Variants in AK5 observed in about 807,000 individuals in gnomAD.
AK5 encodes adenylate kinase 5, also known as adenylate kinase isoenzyme 5.
Under a neutral mutation model 69.5 loss-of-function variants are expected in AK5, and 27 were observed. The ratio of observed to expected loss-of-function variants is 0.39; its 90% confidence interval spans 0.29 to 0.54. AK5 has a LOEUF of 0.54. AK5 is among the 20% of genes least tolerant of loss of function. The probability of loss-of-function intolerance (pLI) is 0.71; values close to 1 mark genes in which losing one functional copy is unlikely to be tolerated. For synonymous variants in AK5, 260 were observed against 244.4 expected (o/e 1.06, Z -0.60); for missense variants, 531 against 700.4 (o/e 0.76, Z 2.73).
intron 8 of AK5, among the ~76,000 whole-genome samples, chr1:77,435,644 CAAAA>C (rs1202203579): frequency 1.5e-5 from 1 of 66,064 alleles, no homozygotes; most frequent in Non-Finnish European, 3.1e-5. Flanking sequence ...GACTCTGTCT[CAAAA>C]AAAAAAAAAA....
At chr1:77,405,337 T>G (rs1649546819) in intron 6 of AK5, among the ~76,000 whole-genome samples, 1 of 152,238 alleles carries the variant, frequency 6.6e-6, no homozygotes, top group Admixed American at 6.5e-5. Flanking sequence ...TAGCTGTGTT[T>G]TCAGCTGTCT....
chr1:77,434,254 G>C (rs1000012205), intron 8 of AK5, among the ~76,000 whole-genome samples: 7 of 151,916 alleles, frequency 4.6e-5, no homozygotes, highest in African/African-American at 1.7e-4. Context: ...AGATTTCTAA[G>C]AGTTTTATAT....
At chr1:77,475,448 ATATATACAAATATATAT>A (rs1156937524) in intron 8 of AK5, among the ~76,000 whole-genome samples, 29,510 of 47,054 alleles carry the variant, frequency 0.63, 7,445 homozygotes, top group Middle Eastern at 0.72. Flanking sequence ...TATATATTAT[ATATATACAAATATATAT>A]TATATATGTA....
At chr1:77,354,024 C>T (rs2100419193) in intron 6 of AK5, among the ~76,000 whole-genome samples, 1 of 152,190 alleles carries the variant, frequency 6.6e-6, no homozygotes, top group South Asian at 2.1e-4. Flanking sequence ...CACTCTGGAA[C>T]AGAGATTATT....
intron 2 of AK5, among the ~76,000 whole-genome samples, chr1:77,289,466 G>A (rs1243774685): frequency 7.2e-5 from 11 of 152,024 alleles, no homozygotes; most frequent in Admixed American, 7.2e-4. Flanking sequence ...GGTAAATATG[G>A]GGATCTACTT....
At chr1:77,515,133 T>G (rs1341217382) in intron 10 of AK5, among the ~76,000 whole-genome samples, 1 of 152,190 alleles carries the variant, frequency 6.6e-6, no homozygotes, top group African/African-American at 2.4e-5. Flanking sequence ...TTGGGGAGCC[T>G]CCATAATTGC....
At chr1:77,301,322 G>T (rs184291242) in intron 5 of AK5, among the ~76,000 whole-genome samples, 9 of 152,330 alleles carry the variant, frequency 5.9e-5, no homozygotes, top group Admixed American at 5.9e-4. Flanking sequence ...GGAAGAGAAT[G>T]TGAAGGTCTG....
chr1:77,321,245 G>A (rs10873932), intron 5 of AK5, among the ~76,000 whole-genome samples: 15,154 of 152,152 alleles, frequency 0.1, 952 homozygotes, highest in East Asian at 0.2. Flanking sequence ...GCTGAGGTGG[G>A]CGGATCACCT....
chr1:77,490,112 TG>T (rs1466869519), intron 10 of AK5, among the ~76,000 whole-genome samples: 2 of 145,528 alleles, frequency 1.4e-5, no homozygotes, highest in Middle Eastern at 3.6e-3. Context: ...AGAAGCAGTG[TG>T]GTCTGTTTCC....
intron 13 of AK5, among the ~76,000 whole-genome samples, chr1:77,540,985 CA>C (rs1242397898): frequency 6.6e-6 from 1 of 152,070 alleles, no homozygotes; most frequent in Non-Finnish European, 1.5e-5. Context: ...TGGCTCACTG[CA>C]ACCTCCACCT....
chr1:77,399,842 C>A (rs1405569392), intron 6 of AK5, among the ~76,000 whole-genome samples: 1 of 152,168 alleles, frequency 6.6e-6, no homozygotes, highest in East Asian at 1.9e-4. Context: ...CTGTGGGGTG[C>A]AACTAGAGTC....
At chr1:77,312,353 G>A (rs77354347) in intron 5 of AK5, among the ~76,000 whole-genome samples, 7,583 of 152,196 alleles carry the variant, frequency 0.05, 236 homozygotes, top group South Asian at 0.093. Context: ...GGTGGCTCAT[G>A]CCTGTTATCC....
intron 6 of AK5, among the ~76,000 whole-genome samples, chr1:77,355,880 C>T (rs889049281): frequency 1.3e-5 from 2 of 150,170 alleles, no homozygotes; most frequent in African/African-American, 4.9e-5. Flanking sequence ...CACACACACA[C>T]ACACACACAC....
At chr1:77,531,929 C>T (rs1390949369) in intron 12 of AK5, among the ~76,000 whole-genome samples, 4 of 151,906 alleles carry the variant, frequency 2.6e-5, no homozygotes, top group Non-Finnish European at 5.9e-5. Flanking sequence ...TAAGGCCCGG[C>T]GAGAAATCGA....
intron 6 of AK5, among the ~76,000 whole-genome samples, chr1:77,397,270 A>C (rs966507303): frequency 3.3e-5 from 5 of 151,706 alleles, no homozygotes; most frequent in Non-Finnish European, 7.4e-5. Flanking sequence ...CCCGAGCCCC[A>C]CATTGCCACA....
At chr1:77,465,327 T>C (rs1023707454) in intron 8 of AK5, among the ~76,000 whole-genome samples, 3 of 152,022 alleles carry the variant, frequency 2.0e-5, no homozygotes, top group African/African-American at 7.2e-5. Flanking sequence ...AGGCAATGAG[T>C]AGTCTGTTCT....
chr1:77,488,763 G>A (rs1655768810), intron 10 of AK5, among the ~76,000 whole-genome samples: 1 of 152,082 alleles, frequency 6.6e-6, no homozygotes, highest in Non-Finnish European at 1.5e-5. Context: ...TATATTTGCT[G>A]GCAGCTGATT....
intron 8 of AK5, among the ~76,000 whole-genome samples, chr1:77,478,324 G>A (rs1164719815): frequency 6.6e-6 from 1 of 152,184 alleles, no homozygotes; most frequent in Non-Finnish European, 1.5e-5. Context: ...ATTCCCACAT[G>A]TTGTGGGAGG....
chr1:77,395,795 G>A (rs929051636), intron 6 of AK5, among the ~76,000 whole-genome samples: 1 of 152,182 alleles, frequency 6.6e-6, no homozygotes, highest in African/African-American at 2.4e-5. Flanking sequence ...GAAGTTATTC[G>A]AAGGCCTCCA....
Sources: gnomAD v4.1 joint callset for allele counts (sites outside exome capture counted in the v4.1 genomes callset) on GRCh38, gnomAD v4.1.1 for gene constraint, MANE v1.5 for transcripts, NCBI Gene and HGNC (gene_info 2026-07-23, HGNC 2026-07-21) for gene names.